Variants in PTPN5 observed in about 807,000 individuals in gnomAD.
PTPN5 encodes the protein protein tyrosine phosphatase non-receptor type 5, also known as tyrosine-protein phosphatase non-receptor type 5.
A neutral mutation model predicts 73.9 loss-of-function variants in PTPN5; 29 were observed. The observed-to-expected ratio is 0.39, with a 90% CI of 0.29 to 0.54. The LOEUF is 0.54. Among genes scored for constraint, PTPN5 ranks in the 20% least tolerant of loss-of-function variants. The pLI, the probability that PTPN5 is intolerant of heterozygous loss-of-function variation, is 0.65. For synonymous variants in PTPN5, 267 were observed against 304.7 expected, an observed-to-expected ratio of 0.88 and a Z score of 1.29; for missense variants, 652 against 751.4, an observed-to-expected ratio of 0.87 and a Z score of 1.55.
intron 1 of PTPN5, among the ~76,000 whole-genome samples, chr11:18,786,094 G>A (rs915617619): frequency 6.6e-6 from 1 of 152,182 alleles, no homozygotes; most frequent in African/African-American, 2.4e-5. Context: ...CAGTCTAAGA[G>A]TTTGGAAATT....
At chr11:18,757,222 A>G (rs1157892908) in intron 3 of PTPN5, among the ~76,000 whole-genome samples, 2 of 152,156 alleles carry the variant, frequency 1.3e-5, no homozygotes, top group Non-Finnish European at 2.9e-5. Context: ...TCTTATAACT[A>G]CCATGAAAAA....
At chr11:18,777,585 G>A (rs1374792994) in intron 1 of PTPN5, among the ~76,000 whole-genome samples, 1 of 152,096 alleles carries the variant, frequency 6.6e-6, no homozygotes, top group Non-Finnish European at 1.5e-5. Context: ...TCTCTTTACT[G>A]GACCTGAACT....
intron 2 of PTPN5, among the ~76,000 whole-genome samples, chr11:18,770,142 T>A (rs993503712): frequency 6.6e-6 from 1 of 152,220 alleles, no homozygotes; most frequent in Non-Finnish European, 1.5e-5. Context: ...GTGCTAAAAT[T>A]CCCATAGCAT....
intron 11 of PTPN5, among the ~76,000 whole-genome samples, 172 bp from the exon 12 acceptor site, chr11:18,732,874 C>T (rs899018333): frequency 2.0e-5 from 3 of 152,250 alleles, no homozygotes; most frequent in African/African-American, 4.8e-5. Flanking sequence ...TCCTGAGTCT[C>T]AGTTTCTTCC....
intron 3 of PTPN5, among the ~76,000 whole-genome samples, chr11:18,747,485 C>T (rs1311966731): frequency 6.6e-6 from 1 of 152,180 alleles, no homozygotes; most frequent in African/African-American, 2.4e-5. Context: ...GCATTCTACA[C>T]TACGATATAT....
chr11:18,741,462 T>TCC (rs35749783), intron 7 of PTPN5, among the ~76,000 whole-genome samples: 125 of 152,288 alleles, frequency 8.2e-4, no homozygotes, highest in South Asian at 2.5e-3. Context: ...GTCCAGGCTC[T>TCC]CCCAGTAAGG....
chr11:18,746,192 T>TATATATATATATACATATAC (rs550537453), intron 3 of PTPN5, among the ~76,000 whole-genome samples: 2 of 102,826 alleles, frequency 1.9e-5, no homozygotes, highest in Admixed American at 1.3e-4. Context: ...TATATATATA[T>TATATATATATATACATATAC]ACATTTTTTT....
rs200512138 is a variant in PTPN5 at position 18,743,367 on chromosome 11, G to A, written c.354C>T (p.Asn118=). The change falls in exon 5 of 15, where the codon AAC becomes AAT. Residue 118 remains asparagine, a synonymous_variant. Coordinates refer to ENST00000358540, the MANE Select transcript of PTPN5 (RefSeq NM_006906.2). ...GGAGCGTCAGCAAAGAGGAGACGAG[G>A]TTTGTGGCGTTCTGTGACCAGATGT... ...YGHIWSQNAT[N]LVSSLLTLLK... The A allele has an allele frequency of 1.2e-6, 2 of 1,614,162 alleles. No individual in the cohort carries two copies. Among genetic ancestry groups the A allele is most frequent in the Admixed American group, 3.3e-5 (2 of 60,028 alleles).
At chr11:18,756,842 T>TA (rs1850165393) in intron 3 of PTPN5, among the ~76,000 whole-genome samples, 1 of 149,116 alleles carries the variant, frequency 6.7e-6, no homozygotes, top group African/African-American at 2.5e-5. Flanking sequence ...GAGAATTGCT[T>TA]AAACCCGGGA....
At chr11:18,771,489 T>C (rs1352034348) in intron 2 of PTPN5, among the ~76,000 whole-genome samples, 1 of 152,230 alleles carries the variant, frequency 6.6e-6, no homozygotes, top group Non-Finnish European at 1.5e-5. Context: ...TCTTACTTTG[T>C]TCTGCTGCTA....
chr11:18,783,952 C>T (rs1039179108), intron 1 of PTPN5, among the ~76,000 whole-genome samples: 1 of 152,134 alleles, frequency 6.6e-6, no homozygotes, highest in African/African-American at 2.4e-5. Flanking sequence ...GTATTCTGTT[C>T]CCTCTTCTCT....
In PTPN5 at chr11:18,729,307, C is replaced by T; in HGVS notation, c.1604+146G>A. The T allele has an allele frequency of 3.2e-6, 2 of 630,976 alleles. No individual in the cohort carries two copies. The highest frequency in any genetic ancestry group is 2.9e-6 in the Non-Finnish European group (1 of 348,830). The allele number at this position is 630,976 out of a possible 1,614,324, so 39.1% of individuals were successfully genotyped here. ...GGATCCTGCCCCTCTACCCAGCTGT[C>T]CTCGCTACTCCTTGTCTGCCCATCA... is the stretch of plus-strand genomic sequence containing the variant. On this transcript the variant is annotated intron_variant, in intron 14 of 14. Coordinates refer to ENST00000358540, the MANE Select transcript of PTPN5 (RefSeq NM_006906.2). This position sits in a 1 kb window ranked among gnomAD's most constrained non-coding sequence, Gnocchi z 5.2.
chr11:18,743,165 C>T, intron 5 of PTPN5, 90 bp from the exon 6 acceptor site: 3 of 1,243,808 alleles, frequency 2.4e-6, no homozygotes, highest in South Asian at 2.5e-5. Flanking sequence ...TTCTGAAAAT[C>T]ACGTCCCAGG....
At position 18,733,270 on chromosome 11, in the gene PTPN5, T is replaced by A. The variant is rs367814480; in HGVS notation, c.1183A>T (p.Ile395Phe). The A allele has an allele frequency of 2.7e-5, 44 of 1,613,874 alleles. No individual in the cohort carries two copies. Among genetic ancestry groups the A allele is most frequent in the Non-Finnish European group, 3.6e-5 (42 of 1,179,914 alleles). ...TCCTCGATGTTGGTGATCATGACAA[T>A]GATGGGCGTGTGCTCCTGCCACACC... Reference protein sequence around the residue: ...RMVWQEHTPIIVMITNIEEMN... With the variant: ...RMVWQEHTPIFVMITNIEEMN... The change falls in exon 11 of 15, where the codon ATT (isoleucine) becomes TTT (phenylalanine). Residue 395 changes from isoleucine to phenylalanine, a missense_variant. Physicochemically the swap from Ile to Phe is conservative, Grantham distance 21. Coordinates refer to ENST00000358540, the MANE Select transcript of PTPN5 (RefSeq NM_006906.2). The surrounding 1 kb of genome is among the most constrained non-coding windows in gnomAD (Gnocchi z 4.3).
At chr11:18,765,436 C>T (rs1458601871) in intron 3 of PTPN5, among the ~76,000 whole-genome samples, 1 of 152,144 alleles carries the variant, frequency 6.6e-6, no homozygotes, top group Non-Finnish European at 1.5e-5. Context: ...CCATCCTTGG[C>T]TCATGCTGCC....
chr11:18,742,117 C>T lies in PTPN5; in HGVS notation c.725+145G>A. ...GGGGCACTTTGATCTCTATGAATGA[C>T]CTGGATAGCACATGTCTACACTGGC... is the stretch of plus-strand genomic sequence containing the variant. On this transcript the variant is annotated intron_variant, in intron 7 of 14. Transcript: ENST00000358540. This position sits in a 1 kb window ranked among gnomAD's most constrained non-coding sequence, Gnocchi z 4.1. The T allele has an allele frequency of 4.5e-6, 5 of 1,117,374 alleles. No homozygotes were observed. In the South Asian group the frequency reaches 6.0e-5, roughly 13 times the overall value. 69.2% of individuals were successfully genotyped at this position (1,117,374 alleles called of 1,614,324 possible).
chr11:18,749,287 T>C, intron 3 of PTPN5: 1 of 465,142 alleles, frequency 2.1e-6, no homozygotes, highest in Non-Finnish European at 4.3e-6. Flanking sequence ...GACTCACCTC[T>C]TGCACAGGAT....
At chr11:18,777,991 AAAGG>A (rs1157092227) in intron 1 of PTPN5, among the ~76,000 whole-genome samples, 4,179 of 92,464 alleles carry the variant, frequency 0.045, 242 homozygotes, top group African/African-American at 0.15. Context: ...AGAAAGAAAG[AAAGG>A]AAGGAAGGAA....
intron 2 of PTPN5, among the ~76,000 whole-genome samples, chr11:18,770,383 T>C (rs902939118): frequency 1.3e-5 from 2 of 152,224 alleles, no homozygotes; most frequent in Non-Finnish European, 1.5e-5. Context: ...TTCATATAAA[T>C]GGAATCATAA....
Sources: gnomAD v4.1 joint callset for allele counts (sites outside exome capture counted in the v4.1 genomes callset) on GRCh38, gnomAD v4.1.1 for gene constraint, Gnocchi (gnomAD v3.1) non-coding constraint, MANE v1.5 for transcripts, NCBI Gene and HGNC (gene_info 2026-07-23, HGNC 2026-07-21) for gene names.